The following NUGGC variants were observed in gnomAD, a reference collection of about 807,000 sequenced individuals.
The protein encoded by NUGGC is nuclear GTPase, germinal center associated.
In NUGGC, 58 loss-of-function variants were observed where a neutral mutation model predicts 92.6. That is an observed-to-expected ratio of 0.63 (90% CI 0.51 to 0.78). NUGGC has a LOEUF of 0.78. Ranked by LOEUF, NUGGC falls within the 30% of genes least tolerant of loss-of-function variation. NUGGC has a pLI of 0.00. For synonymous variants in NUGGC, 376 were observed against 366.4 expected (o/e 1.03, Z -0.30); for missense variants, 925 against 964.6 (o/e 0.96, Z 0.54).
At chr8:28,077,806 G>T (rs986682015) in intron 1 of NUGGC, among the ~76,000 whole-genome samples, 2 of 152,144 alleles carry the variant, frequency 1.3e-5, no homozygotes, top group Non-Finnish European at 2.9e-5. Context: ...GCCGGATAAA[G>T]TACAAAAGAA....
rs548724808 is a variant in NUGGC at position 28,054,009 on chromosome 8, C to T, written c.1206+1956G>A. ...TATCAATATTATTGAAGGCAAAATA[C>T]AGAAAGAAATTGAATATAGAGCTGG... On this transcript the variant is annotated intron_variant, in intron 10 of 18. Transcript: ENST00000413272. Among the ~76,000 whole-genome samples the T allele has an allele frequency of 2.0e-4, 31 of 152,256 alleles. 1 individual carries two copies. The highest frequency in any genetic ancestry group is 3.4e-3 in the Middle Eastern group (1 of 294).
intron 8 of NUGGC, among the ~76,000 whole-genome samples, chr8:28,058,979 C>T (rs1435672341): frequency 6.6e-6 from 1 of 152,180 alleles, no homozygotes; most frequent in African/African-American, 2.4e-5. Flanking sequence ...GCTGGGATTA[C>T]AGGTGTGAGC....
At chr8:28,060,925 G>C (rs1585588354) in intron 7 of NUGGC, among the ~76,000 whole-genome samples, 1 of 152,132 alleles carries the variant, frequency 6.6e-6, no homozygotes, top group African/African-American at 2.4e-5. Flanking sequence ...GACTGCACCA[G>C]GTCTGCTCTC....
chr8:28,049,736 T>C (rs1020022737), intron 10 of NUGGC, among the ~76,000 whole-genome samples: 1 of 152,150 alleles, frequency 6.6e-6, no homozygotes, highest in African/African-American at 2.4e-5. Flanking sequence ...TAACACAATA[T>C]ATTAAAGTTT....
chr8:28,063,274 G>A (rs1392309608), intron 7 of NUGGC, among the ~76,000 whole-genome samples: 1 of 152,192 alleles, frequency 6.6e-6, no homozygotes, highest in Admixed American at 6.5e-5. Flanking sequence ...GCTTCAGCCT[G>A]ACCTCCTCAG....
At position 28,031,269 on chromosome 8, in the gene NUGGC, A is replaced by C. The variant is rs748047866; in HGVS notation, c.1882T>G (p.Cys628Gly). ...TCCTGGATCAGGAAATTTTTTTTGC[A>C]GCTATCATATTTCCAGCCACTTCTT... ...GIRSGWKYDSCKKNFLIQEIS... is the reference protein window; with the variant it reads ...GIRSGWKYDSGKKNFLIQEIS... Residue 628 changes from cysteine to glycine, a missense_variant, in exon 15 of 19, where the codon TGC becomes GGC. Physicochemically the swap from Cys to Gly is radical, Grantham distance 159. Coordinates refer to ENST00000413272, the MANE Select transcript of NUGGC (RefSeq NM_001010906.2). 3.7e-6 allele frequency: 6 copies of C among 1,613,996 alleles called. No individual in the cohort carries two copies. The East Asian group carries it at 1.3e-4, about 36-fold the overall frequency.
intron 10 of NUGGC, among the ~76,000 whole-genome samples, chr8:28,055,567 A>G (rs140180764): frequency 1.8e-4 from 28 of 152,232 alleles, no homozygotes; most frequent in Admixed American, 1.0e-3. Flanking sequence ...ACTGTCTCCT[A>G]TAGGTCAGTA....
chr8:28,073,193 T>TC (rs397891498), intron 2 of NUGGC, among the ~76,000 whole-genome samples: 3 of 149,990 alleles, frequency 2.0e-5, no homozygotes, highest in Non-Finnish European at 4.5e-5. Context: ...TTTTTTTTTT[T>TC]CCAGTGATGA....
Position 28,030,407 on chromosome 8 carries a change from G to A in NUGGC, c.1920C>T (p.Ile640=). ...GGATGTGGTCCTCCAGGCCCCCGAG[G>A]ATGGCACTTATCTGGGAAGATGTGG... The part of the protein sequence containing the change: ...KNFLIQEISA[I]LGGLEDHILR... The change falls in exon 16 of 19, where the codon ATC becomes ATT. Residue 640 remains isoleucine, a synonymous_variant. Transcript: ENST00000413272. 6.4e-7 allele frequency: 1 copy of A among 1,564,626 alleles called. No homozygotes were observed. The highest frequency in any genetic ancestry group is 8.7e-7 in the Non-Finnish European group (1 of 1,150,612).
At chr8:28,046,680 A>T (rs1585570695) in intron 11 of NUGGC, among the ~76,000 whole-genome samples, 1 of 139,594 alleles carries the variant, frequency 7.2e-6, no homozygotes. Flanking sequence ...TGATAACCCA[A>T]TTTTTTTTTT....
intron 10 of NUGGC, among the ~76,000 whole-genome samples, chr8:28,049,946 G>A (rs1382726033): frequency 6.6e-6 from 1 of 151,700 alleles, no homozygotes; most frequent in Non-Finnish European, 1.5e-5. Context: ...AATTAGTCGG[G>A]CATGGAGGCA....
chr8:28,035,175 C>T (rs1050088482), intron 13 of NUGGC, among the ~76,000 whole-genome samples: 12 of 152,206 alleles, frequency 7.9e-5, no homozygotes, highest in Non-Finnish European at 1.5e-5. Flanking sequence ...ATGCCTTCGT[C>T]CTCTCAGCCC....
At chr8:28,043,003 C>A (rs78773138) in intron 12 of NUGGC, among the ~76,000 whole-genome samples, 1 of 152,152 alleles carries the variant, frequency 6.6e-6, no homozygotes, top group African/African-American at 2.4e-5. Context: ...GTTTAGCATT[C>A]GGTGCACCCC....
chr8:28,076,958 C>A (rs1033646050), intron 1 of NUGGC, among the ~76,000 whole-genome samples: 2 of 152,096 alleles, frequency 1.3e-5, no homozygotes, highest in South Asian at 2.1e-4. Flanking sequence ...CTTAGGAAAC[C>A]GTGAGTTTTC....
Position 28,070,807 on chromosome 8 carries a change from G to A in NUGGC, c.44-451C>T, listed in dbSNP as rs192239312. ...TCTGTATGTTGCCCAGGCTGGTCTC[G>A]AACTTACCAAAAATATATATATATA... On this transcript the variant is annotated intron_variant, in intron 2 of 18. Transcript: ENST00000413272. 1.1e-4 allele frequency among the ~76,000 whole-genome samples: 17 copies of A among 150,658 alleles called. No individual in the cohort carries two copies. The East Asian group carries it at 2.6e-3, about 23-fold the overall frequency.
rs745844849 is a variant in NUGGC at position 28,074,457 on chromosome 8, C to A, written c.-46-1G>T. ...CTCTTCTCAGTTCAGGAGAACCAGC[C>A]TGTGAAGACAAAGTACAAAGACAGG... On this transcript the variant is annotated splice_acceptor_variant, in intron 1 of 18. Transcript: ENST00000413272. LOFTEE classifies it low-confidence loss of function (5UTR_SPLICE). 1.9e-6 allele frequency: 3 copies of A among 1,607,716 alleles called. No homozygotes were observed. The South Asian group carries it at 3.3e-5, about 18-fold the overall frequency.
At chr8:28,031,435 G>A in intron 14 of NUGGC, 54 bp from the exon 15 acceptor site, 1 of 1,562,098 alleles carries the variant, frequency 6.4e-7, no homozygotes, top group Admixed American at 1.8e-5. Context: ...CTGTGAGGCT[G>A]AAACAAACAC....
intron 4 of NUGGC, among the ~76,000 whole-genome samples, chr8:28,068,936 G>T (rs1408059281): frequency 2.0e-5 from 3 of 152,072 alleles, no homozygotes; most frequent in Non-Finnish European, 4.4e-5. Flanking sequence ...ACAGAGTTTT[G>T]CCATATTGCT....
rs773032423 is a variant in NUGGC at position 28,064,514 on chromosome 8, ACAGT to A, written c.921+4_921+7del. ...GAAGAGAGAACTAAACCTACGAAAG[ACAGT>A]CACCTTTTTCCACATCTCGTCCCTC... On this transcript the variant is annotated splice_donor_5th_base_variant and intron_variant, in intron 7 of 18. Transcript: ENST00000413272. 1.9e-5 allele frequency: 31 copies of A among 1,613,152 alleles called. No homozygotes were observed. The Admixed American group carries it at 3.8e-4, about 20-fold the overall frequency.
Sources: gnomAD v4.1 joint callset for allele counts (sites outside exome capture counted in the v4.1 genomes callset) on GRCh38, gnomAD v4.1.1 for gene constraint, MANE v1.5 for transcripts, NCBI Gene and HGNC (gene_info 2026-07-23, HGNC 2026-07-21) for gene names.